PCSK6: variants seen among roughly 807,000 people sequenced by gnomAD.
PCSK6 encodes the protein paired basic amino acid cleaving enzyme 4.
PCSK6 carries 85 observed loss-of-function variants against 123.3 expected under a neutral mutation model. The observed-to-expected ratio is 0.69, with a 90% confidence interval of 0.58 to 0.83. The LOEUF (loss-of-function observed/expected upper bound fraction) is 0.83. Among genes scored for constraint, PCSK6 ranks in the 40% least tolerant of loss-of-function variants. The pLI, the probability that PCSK6 is intolerant of heterozygous loss-of-function variation, is 0.00. For synonymous variants in PCSK6, 508 were observed against 516.0 expected (o/e 0.98, Z 0.21); for missense variants, 1,191 against 1,282.3 (o/e 0.93, Z 1.09).
intron 2 of PCSK6, 91 bp downstream of exon 2, chr15:101,443,465 C>T: frequency 1.2e-6 from 1 of 855,722 alleles, no homozygotes; most frequent in African/African-American, 1.7e-5. Context: ...TCATGTCTAT[C>T]CAGAATCACA....
Position 101,393,354 on chromosome 15 carries a change from G to A in PCSK6, c.1067C>T (p.Ser356Leu), listed in dbSNP as rs760914388. 1.1e-5 allele frequency: 17 copies of A among 1,607,246 alleles called. No individual in the cohort carries two copies. Among genetic ancestry groups the A allele is most frequent in the African/African-American group, 6.7e-5 (5 of 74,208 alleles). ...GATGCTGTTGGTGTAGCCATCGCAC[G>A]AGCAGTAGTCCCCCTCTCTCCCGCC... ...GNGGREGDYC[S>L]CDGYTNSIYT... The change falls in exon 8 of 22, where the codon TCG (serine) becomes TTG (leucine). Residue 356 changes from serine to leucine, a missense_variant. Ser to Leu is a moderately radical substitution (Grantham distance 145, BLOSUM62 -2). Transcript: ENST00000611716.
chr15:101,415,205 A>T (rs2055845012), intron 6 of PCSK6, among the ~76,000 whole-genome samples: 2 of 152,232 alleles, frequency 1.3e-5, no homozygotes, highest in Admixed American at 6.5e-5. Context: ...ACAAAAAGTA[A>T]GAAAGACTCC....
chr15:101,413,412 T>G (rs1267717163), intron 6 of PCSK6, among the ~76,000 whole-genome samples: 2 of 151,704 alleles, frequency 1.3e-5, no homozygotes, highest in African/African-American at 4.8e-5. Context: ...CTCAAAAACA[T>G]TATAAACCAA....
intron 10 of PCSK6, 172 bp downstream of exon 10, chr15:101,384,150 G>A (rs2041990338): frequency 7.1e-7 from 1 of 1,415,694 alleles, no homozygotes; most frequent in African/African-American, 1.4e-5. Context: ...ATGTCACTGT[G>A]AGCTTCCGGG....
chr15:101,361,722 TC>T (rs1462284291), intron 13 of PCSK6, among the ~76,000 whole-genome samples: 2 of 152,130 alleles, frequency 1.3e-5, no homozygotes, highest in East Asian at 3.9e-4. Flanking sequence ...CAGGGGTGCA[TC>T]ATTTTCTGAA....
intron 6 of PCSK6, among the ~76,000 whole-genome samples, chr15:101,400,583 C>T (rs1258597778): frequency 6.6e-6 from 1 of 152,228 alleles, no homozygotes; most frequent in African/African-American, 2.4e-5. Flanking sequence ...GAAGGAGACC[C>T]TGGAGGTGAC....
intron 18 of PCSK6, 102 bp from the exon 19 acceptor site, chr15:101,318,524 ACAGT>A: frequency 1.0e-6 from 1 of 973,986 alleles, no homozygotes; most frequent in South Asian, 1.5e-5. Context: ...TGGCTGAGGC[ACAGT>A]TCTTTGTGTC....
At chr15:101,426,745 G>A (rs2056268449) in intron 6 of PCSK6, among the ~76,000 whole-genome samples, 1 of 115,064 alleles carries the variant, frequency 8.7e-6, no homozygotes, top group Non-Finnish European at 2.1e-5. Flanking sequence ...CAAAGCGGCT[G>A]CAGCCACCCT....
intron 17 of PCSK6, among the ~76,000 whole-genome samples, chr15:101,324,532 C>T (rs1007040171): frequency 6.6e-6 from 1 of 152,218 alleles, no homozygotes; most frequent in Admixed American, 6.5e-5. Context: ...GAGTGGCTGG[C>T]CCTAGCCACC....
chr15:101,313,231 C>T (rs2039909369), intron 20 of PCSK6, 145 bp downstream of exon 20: 1 of 1,551,656 alleles, frequency 6.4e-7, no homozygotes, highest in Non-Finnish European at 8.7e-7. Context: ...GGCCCCTCAG[C>T]AGCTCTGTAA....
chr15:101,386,158 G>A (rs775137031), intron 9 of PCSK6, among the ~76,000 whole-genome samples: 21 of 152,060 alleles, frequency 1.4e-4, no homozygotes, highest in South Asian at 4.2e-4. Context: ...AACGCACGCC[G>A]CGCCACAGGT....
intron 13 of PCSK6, among the ~76,000 whole-genome samples, chr15:101,335,074 C>T (rs1349759757): frequency 2.0e-5 from 3 of 152,180 alleles, no homozygotes; most frequent in Non-Finnish European, 4.4e-5. Flanking sequence ...ATCCTCCCAC[C>T]TCAGCATCCC....
intron 21 of PCSK6, among the ~76,000 whole-genome samples, chr15:101,306,669 A>C (rs1184269350): frequency 6.6e-6 from 1 of 152,136 alleles, no homozygotes; most frequent in Non-Finnish European, 1.5e-5. Flanking sequence ...TGCCCTTTTA[A>C]GTTTCTGTTT....
intron 5 of PCSK6, among the ~76,000 whole-genome samples, chr15:101,428,348 G>A (rs897336574): frequency 3.3e-5 from 5 of 152,198 alleles, no homozygotes; most frequent in African/African-American, 7.2e-5. Context: ...TGGGTGCTGC[G>A]CCACCTCGGC....
rs142396668 is a variant in PCSK6 at position 101,320,101 on chromosome 15, T to G, written c.2466-1679A>C. On this transcript the variant is annotated intron_variant, in intron 18 of 21. Coordinates refer to ENST00000611716, the MANE Select transcript of PCSK6 (RefSeq NM_002570.5). ...TTTATTTATTTATTATTTATTTATT[T>G]TTGAGACAGGATCTCATTCTGTCAC... Among the ~76,000 whole-genome samples the G allele has an allele frequency of 1.7e-4, 26 of 152,278 alleles. No individual in the cohort carries two copies. In the East Asian group the frequency reaches 4.2e-3, roughly 25 times the overall value.
At chr15:101,313,255 C>A (rs2039909779) in intron 20 of PCSK6, 121 bp downstream of exon 20, 1 of 1,573,334 alleles carries the variant, frequency 6.4e-7, no homozygotes, top group African/African-American at 1.4e-5. Flanking sequence ...GGCTCCTGTC[C>A]ACAGTGGGGT....
intron 2 of PCSK6, among the ~76,000 whole-genome samples, chr15:101,438,374 T>A (rs1266247669): frequency 6.6e-6 from 1 of 152,226 alleles, no homozygotes; most frequent in Admixed American, 6.5e-5. Flanking sequence ...TAGAAAGAAG[T>A]TGCTTATGTT....
At chr15:101,314,927 C>G (rs2039953661) in intron 19 of PCSK6, among the ~76,000 whole-genome samples, 1 of 152,320 alleles carries the variant, frequency 6.6e-6, no homozygotes, top group African/African-American at 2.4e-5. Context: ...CATCACTGGT[C>G]TCTGGGAGCA....
intron 1 of PCSK6, among the ~76,000 whole-genome samples, chr15:101,459,096 C>T (rs1399855408): frequency 6.6e-6 from 1 of 152,172 alleles, no homozygotes; most frequent in Non-Finnish European, 1.5e-5. Context: ...CCTCTCCTCT[C>T]CCAGCCTCAC....
Sources: allele counts gnomAD v4.1 joint callset (sites outside exome capture counted in the v4.1 genomes callset), GRCh38; gene constraint gnomAD v4.1.1; transcripts MANE v1.5; gene names NCBI Gene and HGNC (gene_info 2026-07-23, HGNC 2026-07-21).